TMC5: variants seen among roughly 807,000 people sequenced by gnomAD.
TMC5 encodes transmembrane channel-like protein 5.
TMC5 carries 86 observed loss-of-function variants against 110.5 expected under a neutral mutation model. The ratio of observed to expected loss-of-function variants is 0.78; its 90% confidence interval spans 0.65 to 0.93. TMC5 has a LOEUF of 0.93. Among genes scored for constraint, TMC5 ranks in the 40% least tolerant of loss-of-function variants. TMC5 has a pLI of 0.00. For synonymous variants in TMC5, 455 were observed against 439.5 expected, an observed-to-expected ratio of 1.04 and a Z score of -0.44; for missense variants, 1,144 against 1,222.8, an observed-to-expected ratio of 0.94 and a Z score of 0.96.
chr16:19,444,122 A>G lies in TMC5; in HGVS notation c.830A>G (p.His277Arg), dbSNP rs1967557930. The G allele has an allele frequency of 1.2e-6, 2 of 1,614,052 alleles. No homozygotes were observed. Among genetic ancestry groups the G allele is most frequent in the Admixed American group, 1.7e-5 (1 of 60,002 alleles). ...RTSSIQPSFR[H>R]RSDDPVGSLW... ...TCTTCAATCCAGCCCTCATTTCGTCACAGGAGTGATGACCCCGTGGGCAGT... is the reference window on the plus strand; with the variant it reads ...TCTTCAATCCAGCCCTCATTTCGTCGCAGGAGTGATGACCCCGTGGGCAGT... The change falls in exon 4 of 22, where the codon CAC becomes CGC. Residue 277 changes from histidine (H) to arginine (R), a missense_variant. Coordinates refer to ENST00000542583, the MANE Select transcript of TMC5 (RefSeq NM_001261841.2).
intron 9 of TMC5, among the ~76,000 whole-genome samples, chr16:19,468,458 G>T (rs1207311170): frequency 6.6e-6 from 1 of 151,676 alleles, no homozygotes; most frequent in Non-Finnish European, 1.5e-5. Flanking sequence ...TCTTTGGAAG[G>T]CTGAATAATC....
intron 15 of TMC5, among the ~76,000 whole-genome samples, chr16:19,483,098 T>C (rs1269467210): frequency 6.6e-6 from 1 of 152,066 alleles, no homozygotes; most frequent in Non-Finnish European, 1.5e-5. Flanking sequence ...TGGCTTCAAG[T>C]GACCCACCTG....
rs1466421845 is a variant in TMC5, at chr16:19,492,913, T to TAG, written c.2826+687_2826+688dup. Among the ~76,000 whole-genome samples, 31 of 91,008 alleles carry TAG rather than the reference T, an allele frequency of 3.4e-4. 1 individual carries two copies. The highest frequency in any genetic ancestry group is 9.9e-4 in the East Asian group (4 of 4,022). The allele number at this position is 91,008 out of a possible 152,430, so 59.7% of individuals were successfully genotyped here. ...ATATTATTTTTTATTTATTAAAACTTAGATATATATATATATATATCTCTC... is the reference window on the plus strand; with the variant it reads ...ATATTATTTTTTATTTATTAAAACTTAGAGATATATATATATATATATCTCTC... On this transcript the variant is annotated intron_variant, in intron 19 of 21. Transcript: ENST00000542583.
chr16:19,444,141 G>A lies in TMC5; in HGVS notation c.849G>A (p.Val283=), dbSNP rs1180574706. The change falls in exon 4 of 22, where the codon GTG becomes GTA. Residue 283 remains valine (V), a synonymous_variant. Transcript: ENST00000542583. ...TTCGTCACAGGAGTGATGACCCCGT[G>A]GGCAGTCTTTGGGGAGAGAATGATT... ...PSFRHRSDDP[V]GSLWGENDYP... 6.2e-7 allele frequency: 1 copy of A among 1,613,976 alleles called. No homozygotes were observed. The highest frequency in any genetic ancestry group is 8.5e-7 in the Non-Finnish European group (1 of 1,180,020).
chr16:19,490,424 T>C lies in TMC5; in HGVS notation c.2603T>C (p.Phe868Ser). The C allele has an allele frequency of 6.2e-7, 1 of 1,614,180 alleles. No individual in the cohort carries two copies. The highest frequency in any genetic ancestry group is 2.2e-5 in the East Asian group (1 of 44,880). Reference sequence around the variant, plus strand: ...AAGCCTTCAGCTGACTGTGGCCCTTTTCGAGGTCTGCCTCTCTTCATTCAC... The same window carrying C: ...AAGCCTTCAGCTGACTGTGGCCCTTCTCGAGGTCTGCCTCTCTTCATTCAC... ...RLKPSADCGP[F>S]RGLPLFIHSI... Residue 868 changes from phenylalanine (F) to serine (S), a missense_variant, in exon 18 of 22, where the codon TTT (phenylalanine) becomes TCT (serine). Phe to Ser is a radical substitution (Grantham distance 155). Transcript: ENST00000542583.
intron 5 of TMC5, chr16:19,456,487 A>G (rs1967875687): frequency 5.6e-6 from 7 of 1,247,118 alleles, no homozygotes; most frequent in Non-Finnish European, 6.0e-6. Context: ...TTCTCCTGAG[A>G]AAACTCCTCA....
At chr16:19,437,635 C>G (rs1470726545) in intron 2 of TMC5, among the ~76,000 whole-genome samples, 1 of 152,160 alleles carries the variant, frequency 6.6e-6, no homozygotes, top group Non-Finnish European at 1.5e-5. Context: ...GTTCTACTTC[C>G]TTATTTCAAA....
At chr16:19,432,647 CTTTG>C (rs1370425956) in intron 2 of TMC5, among the ~76,000 whole-genome samples, 1 of 152,110 alleles carries the variant, frequency 6.6e-6, no homozygotes, top group African/African-American at 2.4e-5. Flanking sequence ...GGGTTTAGCT[CTTTG>C]TTTGTTTAGG....
Position 19,492,915 on chromosome 16 carries a change from G to GATATATATATATATATAGATATAT in TMC5, c.2826+704_2826+705insGATATATATATATATATATATATA, listed in dbSNP as rs1968945431. 4.7e-5 allele frequency among the ~76,000 whole-genome samples: 2 copies of GATATATATATATATATAGATATAT among 42,752 alleles called. 1 individual carries two copies. The highest frequency in any genetic ancestry group is 1.6e-4 in the Non-Finnish European group (2 of 12,798). 28.0% of individuals were successfully genotyped at this position (42,752 alleles called of 152,430 possible). Reference sequence around the variant, plus strand: ...ATTATTTTTTATTTATTAAAACTTAGATATATATATATATATATCTCTCTA... The same window carrying GATATATATATATATATAGATATAT: ...ATTATTTTTTATTTATTAAAACTTAGATATATATATATATATAGATATATATATATATATATATATATCTCTCTA... On this transcript the variant is annotated intron_variant, in intron 19 of 21. Transcript: ENST00000542583.
intron 4 of TMC5, among the ~76,000 whole-genome samples, chr16:19,448,018 G>T (rs992848413): frequency 1.3e-5 from 2 of 151,854 alleles, no homozygotes; most frequent in Non-Finnish European, 2.9e-5. Context: ...ATTAAAATGT[G>T]CTCCATTTTC....
intron 1 of TMC5, among the ~76,000 whole-genome samples, chr16:19,425,762 C>T (rs1388587256): frequency 6.6e-6 from 1 of 152,212 alleles, no homozygotes; most frequent in Non-Finnish European, 1.5e-5. Context: ...TCTCAGCTTA[C>T]TGCAACCTCT....
Position 19,420,432 on chromosome 16 carries a change from A to G in TMC5, c.-308+2340A>G, listed in dbSNP as rs551727532. On this transcript the variant is annotated intron_variant, in intron 1 of 21. Transcript: ENST00000542583. The stretch of plus-strand genomic sequence containing the variant: ...ACAGAGCAAGACTCCGTCTCAAAAA[A>G]AAAAATAAAAAAAATTAAAAATCAA... Among the ~76,000 whole-genome samples, 3 of 151,188 alleles carry G rather than the reference A, an allele frequency of 2.0e-5. No homozygotes were observed. The South Asian group carries it at 6.3e-4, about 32-fold the overall frequency.
chr16:19,492,744 T>A (rs1968939067), intron 19 of TMC5, among the ~76,000 whole-genome samples: 1 of 151,256 alleles, frequency 6.6e-6, no homozygotes, highest in African/African-American at 2.4e-5. Context: ...TATTTTATTT[T>A]TTTAGAGGTG....
At position 19,452,986 on chromosome 16, in the gene TMC5, G is replaced by T. The variant is rs1433551469; in HGVS notation, c.1048+3355G>T. Among the ~76,000 whole-genome samples, 14 of 140,078 alleles carry T rather than the reference G, an allele frequency of 1.0e-4. 1 individual carries two copies. Among genetic ancestry groups the T allele is most frequent in the Admixed American group, 9.5e-4 (12 of 12,634 alleles). The allele number at this position is 140,078 out of a possible 152,430, so 91.9% of individuals were successfully genotyped here. On this transcript the variant is annotated intron_variant, in intron 5 of 21. Coordinates refer to ENST00000542583, the MANE Select transcript of TMC5 (RefSeq NM_001261841.2). ...TGGTAGTTATGAGCCAGGAACCACG[G>T]GTGGGAAAAAATTATATATATATAT...
intron 12 of TMC5, 86 bp downstream of exon 12, chr16:19,474,362 C>A: frequency 6.9e-7 from 1 of 1,458,828 alleles, no homozygotes; most frequent in South Asian, 1.3e-5. Flanking sequence ...GCTTTAGTAT[C>A]AAAGTTTTTT....
rs1273804407 is a variant in TMC5, at chr16:19,498,768, GA to G, written c.*806del. 2 of 152,060 alleles carry G rather than the reference GA, an allele frequency of 1.3e-5. No individual in the cohort carries two copies. The highest frequency in any genetic ancestry group is 2.9e-5 in the Non-Finnish European group (2 of 68,010). The allele number at this position is 152,060 out of a possible 1,614,324, so 9.4% of individuals were successfully genotyped here. A position where few individuals can be genotyped will look rare whatever the true frequency, so the allele number is the denominator to read the frequency against. On this transcript the variant is annotated 3_prime_UTR_variant, in exon 22 of 22. Transcript: ENST00000542583. Reference sequence around the variant, plus strand: ...GGAGACTGAATAAGAAAAAAGAAAAGAAAAGAAATTAGCTGGGTGCGATGGC... The same window carrying G: ...GGAGACTGAATAAGAAAAAAGAAAAGAAAGAAATTAGCTGGGTGCGATGGC...
rs1252077064 is a variant in TMC5 at position 19,435,519 on chromosome 16, T to A, written c.-79-4441T>A. On this transcript the variant is annotated intron_variant, in intron 2 of 21. Transcript: ENST00000542583. ...CTGCCTCAAAAAAAAAAGAAAAAAA[T>A]TTAGAAATATGTATTTACAGAGATG... Among the ~76,000 whole-genome samples, 4 of 151,134 alleles carry A rather than the reference T, an allele frequency of 2.6e-5. No individual in the cohort carries two copies. The East Asian group carries it at 7.8e-4, about 29-fold the overall frequency.
intron 4 of TMC5, among the ~76,000 whole-genome samples, chr16:19,449,284 C>T (rs755305679): frequency 6.6e-6 from 1 of 152,122 alleles, no homozygotes; most frequent in Non-Finnish European, 1.5e-5. Flanking sequence ...CCTCACCTTG[C>T]CAACAATTAT....
chr16:19,448,128 C>T (rs1422974661), intron 4 of TMC5, among the ~76,000 whole-genome samples: 1 of 148,890 alleles, frequency 6.7e-6, no homozygotes, highest in Non-Finnish European at 1.5e-5. Flanking sequence ...TGCACTCCAG[C>T]CTGTGTGACA....
Sources: gnomAD v4.1 joint callset for allele counts (sites outside exome capture counted in the v4.1 genomes callset) on GRCh38, gnomAD v4.1.1 for gene constraint, MANE v1.5 for transcripts, NCBI Gene and HGNC (gene_info 2026-07-23, HGNC 2026-07-21) for gene names.